Variants in WDFY4 observed in about 807,000 individuals in gnomAD.
WDFY4 encodes the protein WD repeat- and FYVE domain-containing protein 4.
A neutral mutation model predicts 351.9 loss-of-function variants in WDFY4; 169 were observed. The observed-to-expected ratio is 0.48, with a 90% CI of 0.42 to 0.55. The LOEUF (loss-of-function observed/expected upper bound fraction) is 0.55. WDFY4 is among the 20% of genes least tolerant of loss of function. The pLI, the probability that WDFY4 is intolerant of heterozygous loss-of-function variation, is 0.00. For missense variants in WDFY4, 3,803 were observed against 3,935.6 expected, an observed-to-expected ratio of 0.97 and a Z score of 0.90; for synonymous variants, 1,622 against 1,574.6, an observed-to-expected ratio of 1.03 and a Z score of -0.71.
chr10:48,960,142 T>C (rs1447189416), intron 53 of WDFY4, among the ~76,000 whole-genome samples: 1 of 152,220 alleles, frequency 6.6e-6, no homozygotes, highest in Non-Finnish European at 1.5e-5. Flanking sequence ...CTGCTCAGCA[T>C]AGTTCAGAGA....
At chr10:48,718,042 A>G (rs977113287) in intron 2 of WDFY4, among the ~76,000 whole-genome samples, 19 of 152,332 alleles carry the variant, frequency 1.2e-4, no homozygotes, top group African/African-American at 4.6e-4. Flanking sequence ...GATTCCCCCC[A>G]TTCTCCTACG....
At chr10:48,801,264 T>A (rs1266768677) in intron 24 of WDFY4, among the ~76,000 whole-genome samples, 1 of 152,232 alleles carries the variant, frequency 6.6e-6, no homozygotes, top group African/African-American at 2.4e-5. Flanking sequence ...AATTTCCTGA[T>A]GAGCTAGGCA....
At position 48,778,431 on chromosome 10, in the gene WDFY4, C is replaced by T. The variant is rs535781195; in HGVS notation, c.3176-180C>T. Among the ~76,000 whole-genome samples, 11 of 152,368 alleles carry T rather than the reference C, an allele frequency of 7.2e-5. No homozygotes were observed. In the East Asian group the frequency reaches 1.7e-3, roughly 24 times the overall value. ...CACGTGTGACGGACCTCAGGGAGAT[C>T]GAGATCTTCTCTGCTCCCTTGGCAA... is the stretch of plus-strand genomic sequence containing the variant. On this transcript the variant is annotated intron_variant, in intron 17 of 61. Coordinates refer to ENST00000325239, the MANE Select transcript of WDFY4 (RefSeq NM_001394531.1).
intron 1 of WDFY4, among the ~76,000 whole-genome samples, chr10:48,699,617 A>T (rs1461247690): frequency 2.0e-5 from 3 of 152,120 alleles, no homozygotes; most frequent in Non-Finnish European, 4.4e-5. Flanking sequence ...GGTATCCCTA[A>T]TGTCCACGTC....
chr10:48,939,367 G>A (rs1022499505), intron 47 of WDFY4, among the ~76,000 whole-genome samples: 2 of 152,212 alleles, frequency 1.3e-5, no homozygotes, highest in Non-Finnish European at 2.9e-5. Context: ...CTGTGTGACA[G>A]GTGTGGCCAG....
rs1281595958 is a variant in WDFY4 at position 48,820,286 on chromosome 10, A to C, written c.5558A>C (p.Glu1853Ala). ...ACCAGCAGTCCTGAGGCCGCAGCTG[A>C]AGGCGACAGCACAGTGGAGGGTCTC... The part of the protein sequence containing the change: ...RNTSSPEAAA[E>A]GDSTVEGLQA... Residue 1853 changes from glutamate (E) to alanine (A), a missense_variant, in exon 33 of 62, where the codon GAA becomes GCA. Coordinates refer to ENST00000325239, the MANE Select transcript of WDFY4 (RefSeq NM_001394531.1). 6.4e-7 allele frequency: 1 copy of C among 1,551,624 alleles called. No homozygotes were observed.
intron 13 of WDFY4, 100 bp from the exon 14 acceptor site, chr10:48,774,358 C>T (rs954321444): frequency 7.9e-7 from 1 of 1,272,838 alleles, no homozygotes; most frequent in African/African-American, 1.5e-5. Context: ...GCGCAGTCTC[C>T]TTGTTCCACA....
intron 19 of WDFY4, among the ~76,000 whole-genome samples, chr10:48,782,836 A>T (rs913956629): frequency 2.6e-4 from 40 of 152,214 alleles, no homozygotes; most frequent in African/African-American, 9.7e-4. Flanking sequence ...TTTGGGAACG[A>T]TATGAGACAT....
chr10:48,871,619 T>A (rs35051407), intron 40 of WDFY4, among the ~76,000 whole-genome samples: 15,160 of 152,106 alleles, frequency 0.1, 931 homozygotes, highest in Middle Eastern at 0.21. Context: ...GAGAGTACAG[T>A]CATGCACTAA....
chr10:48,876,589 C>T (rs2070019892), intron 42 of WDFY4, among the ~76,000 whole-genome samples: 1 of 129,996 alleles, frequency 7.7e-6, no homozygotes, highest in African/African-American at 3.3e-5. Flanking sequence ...CTCACAACTT[C>T]ATATCTTTTC....
rs773465324 is a variant in WDFY4 at position 48,826,698 on chromosome 10, G to A, written c.6010G>A (p.Asp2004Asn). The change falls in exon 36 of 62, where the codon GAC becomes AAC. Residue 2004 changes from aspartate (D) to asparagine (N), a missense_variant. Physicochemically the swap from Asp to Asn is conservative, Grantham distance 23. Around this residue, in one of 3 missense-constraint regions of WDFY4, gnomAD observed 3,054 missense variants for 3,148.6 expected, o/e 0.97. Coordinates refer to ENST00000325239, the MANE Select transcript of WDFY4 (RefSeq NM_001394531.1). ...VVIETASSQRDTVLSTLYSSL... is the reference protein window; with the variant it reads ...VVIETASSQRNTVLSTLYSSL... Reference sequence around the variant, plus strand: ...CATTGAGACTGCCTCTTCTCAAAGGGACACTGTCCTCAGCACTTTATACAG... The same window carrying A: ...CATTGAGACTGCCTCTTCTCAAAGGAACACTGTCCTCAGCACTTTATACAG... The A allele has an allele frequency of 2.0e-5, 31 of 1,551,590 alleles. No individual in the cohort carries two copies. In the African/African-American group the frequency reaches 2.9e-4, roughly 14 times the overall value.
intron 1 of WDFY4, among the ~76,000 whole-genome samples, chr10:48,705,433 C>T (rs569002376): frequency 6.6e-6 from 1 of 152,308 alleles, no homozygotes; most frequent in East Asian, 1.9e-4. Context: ...GGTCCCTTTT[C>T]ACCCTGGATA....
intron 39 of WDFY4, among the ~76,000 whole-genome samples, chr10:48,836,337 C>T (rs2068393020): frequency 6.6e-6 from 1 of 152,176 alleles, no homozygotes; most frequent in South Asian, 2.1e-4. Context: ...TCATTAGTCC[C>T]TCCAGTGAGA....
chr10:48,740,677 G>C (rs549260873), intron 11 of WDFY4, among the ~76,000 whole-genome samples: 1 of 152,212 alleles, frequency 6.6e-6, no homozygotes, highest in Non-Finnish European at 1.5e-5. Context: ...ATCCTCACTC[G>C]GGAGGAGAAA....
At chr10:48,718,712 A>C (rs928142246) in intron 2 of WDFY4, among the ~76,000 whole-genome samples, 16 of 152,222 alleles carry the variant, frequency 1.1e-4, no homozygotes, top group Non-Finnish European at 1.8e-4. Context: ...TCATCGCACG[A>C]CTAGGAAACT....
Position 48,709,717 on chromosome 10 carries a change from T to A in WDFY4, c.-16T>A. 6.4e-7 allele frequency: 1 copy of A among 1,551,334 alleles called. No homozygotes were observed. The highest frequency in any genetic ancestry group is 8.7e-7 in the Non-Finnish European group (1 of 1,146,472). On this transcript the variant is annotated splice_region_variant and 5_prime_UTR_variant, in exon 2 of 62. Transcript: ENST00000325239. ...CACTTCTATTTGTTCTGAATTCAGA[T>A]CTGCTTTGCCACGGCATGGAGGCAG...
At chr10:48,782,489 G>A (rs185964029) in intron 19 of WDFY4, among the ~76,000 whole-genome samples, 3 of 152,288 alleles carry the variant, frequency 2.0e-5, no homozygotes, top group South Asian at 2.1e-4. Context: ...TCCTCCCTGC[G>A]GGACCTGCTA....
chr10:48,795,708 G>A, intron 23 of WDFY4, among the ~76,000 whole-genome samples: 1 of 151,866 alleles, frequency 6.6e-6, no homozygotes, highest in African/African-American at 2.4e-5. Flanking sequence ...TCCAGATTAG[G>A]TCGCTCAAGG....
intron 43 of WDFY4, among the ~76,000 whole-genome samples, chr10:48,889,336 G>A (rs17011373): frequency 2.6e-5 from 4 of 152,066 alleles, no homozygotes; most frequent in Non-Finnish European, 5.9e-5. Context: ...TGGCTTTCAC[G>A]GATCCCATTT....
Sources: allele counts gnomAD v4.1 joint callset (sites outside exome capture counted in the v4.1 genomes callset), GRCh38; gene constraint gnomAD v4.1.1; regional missense constraint gnomAD v4.1.1; transcripts MANE v1.5; gene names NCBI Gene and HGNC (gene_info 2026-07-23, HGNC 2026-07-21).